The following SLC2A13 variants were observed in gnomAD, a reference collection of about 807,000 sequenced individuals.
SLC2A13 encodes the protein proton myo-inositol cotransporter.
A neutral mutation model predicts 64.4 loss-of-function variants in SLC2A13; 32 were observed. The ratio of observed to expected loss-of-function variants is 0.50; its 90% CI spans 0.37 to 0.67. SLC2A13 has a LOEUF of 0.67. Among genes scored for constraint, SLC2A13 ranks in the 30% least tolerant of loss-of-function variants. SLC2A13 has a pLI of 0.00. For synonymous variants in SLC2A13, 338 were observed against 327.1 expected (o/e 1.03, Z -0.36); for missense variants, 743 against 829.2 (o/e 0.90, Z 1.28).
chr12:39,898,788 A>T (rs7953381), intron 4 of SLC2A13, among the ~76,000 whole-genome samples: 150,801 of 152,258 alleles, frequency 0.99, 74,701 homozygotes, highest in Middle Eastern at 1. Context: ...TTATTCTCTC[A>T]CAGCATGAAC....
intron 5 of SLC2A13, among the ~76,000 whole-genome samples, chr12:39,866,261 A>C (rs2135929882): frequency 6.6e-6 from 1 of 152,332 alleles, no homozygotes; most frequent in African/African-American, 2.4e-5. Flanking sequence ...GTTTTTGTTT[A>C]AGACATAGTA....
intron 7 of SLC2A13, among the ~76,000 whole-genome samples, chr12:39,822,690 ATCT>A (rs1472649250): frequency 6.6e-6 from 1 of 152,216 alleles, no homozygotes; most frequent in African/African-American, 2.4e-5. Flanking sequence ...GTCTTCTTTA[ATCT>A]TCTTTAGTGA....
chr12:39,809,049 A>G (rs1436050604), intron 7 of SLC2A13, among the ~76,000 whole-genome samples: 3 of 152,084 alleles, frequency 2.0e-5, no homozygotes, highest in Non-Finnish European at 4.4e-5. Flanking sequence ...AGCTTTTACT[A>G]TTAGGTCTAT....
intron 4 of SLC2A13, among the ~76,000 whole-genome samples, chr12:39,930,613 C>T (rs1387770651): frequency 6.6e-6 from 1 of 152,070 alleles, no homozygotes; most frequent in Admixed American, 6.6e-5. Context: ...AAGTAATTGC[C>T]TCTGGAAAGC....
intron 7 of SLC2A13, among the ~76,000 whole-genome samples, chr12:39,786,400 G>GA (rs60835552): frequency 2.0e-5 from 3 of 152,158 alleles, no homozygotes; most frequent in African/African-American, 4.8e-5. Context: ...CCCCAGCCAT[G>GA]TGGAACTGTG....
intron 3 of SLC2A13, among the ~76,000 whole-genome samples, chr12:39,970,340 G>C (rs1375795939): frequency 1.3e-5 from 2 of 152,134 alleles, no homozygotes; most frequent in African/African-American, 4.8e-5. Flanking sequence ...TGTGAAGAAA[G>C]TTGCCCTTTC....
chr12:39,794,068 CT>C (rs1330975743), intron 7 of SLC2A13, among the ~76,000 whole-genome samples: 1 of 135,618 alleles, frequency 7.4e-6, no homozygotes, highest in African/African-American at 2.8e-5. Flanking sequence ...CTAAATTACT[CT>C]TTTGAGCTAG....
chr12:39,885,776 T>G (rs1944451054), intron 4 of SLC2A13, among the ~76,000 whole-genome samples: 1 of 152,206 alleles, frequency 6.6e-6, no homozygotes, highest in Admixed American at 6.5e-5. Flanking sequence ...TAGTTTGAAT[T>G]AGAATCATCT....
intron 7 of SLC2A13, among the ~76,000 whole-genome samples, chr12:39,765,173 G>A (rs979022115): frequency 6.6e-6 from 1 of 152,078 alleles, no homozygotes; most frequent in African/African-American, 2.4e-5. Flanking sequence ...GTATGTGGCA[G>A]TGAAAAGACC....
intron 3 of SLC2A13, among the ~76,000 whole-genome samples, chr12:39,994,267 C>T (rs1041086252): frequency 6.6e-6 from 1 of 151,630 alleles, no homozygotes; most frequent in African/African-American, 2.4e-5. Context: ...ACTGTAGTCC[C>T]AGCTACTCGG....
At chr12:39,837,685 T>G (rs1010834792) in intron 6 of SLC2A13, among the ~76,000 whole-genome samples, 9 of 151,868 alleles carry the variant, frequency 5.9e-5, no homozygotes, top group Non-Finnish European at 1.2e-4. Flanking sequence ...GCGAAGGACA[T>G]GAACAGACAC....
intron 3 of SLC2A13, among the ~76,000 whole-genome samples, chr12:40,017,095 G>T (rs1463422946): frequency 6.6e-6 from 1 of 152,146 alleles, no homozygotes; most frequent in African/African-American, 2.4e-5. Context: ...TCTACACACT[G>T]TAAGAGCTCC....
rs537485933 is a variant in SLC2A13, at chr12:40,025,470, C to T, written c.925+2831G>A. On this transcript the variant is annotated intron_variant, in intron 3 of 9. Coordinates refer to ENST00000280871, the MANE Select transcript of SLC2A13 (RefSeq NM_052885.4). ...GGATCACATATGCAAGTGCCATAAC[C>T]GTCACAAGTCACAAATCCACTGGGG... 3.9e-5 allele frequency among the ~76,000 whole-genome samples: 6 copies of T among 152,246 alleles called. No homozygotes were observed. In the East Asian group the frequency reaches 7.7e-4, roughly 20 times the overall value.
intron 4 of SLC2A13, among the ~76,000 whole-genome samples, chr12:39,913,132 A>T (rs1945458184): frequency 6.6e-6 from 1 of 152,022 alleles, no homozygotes. Flanking sequence ...TAAGCAAAAA[A>T]CATATAGAAT....
rs566403442 is a variant in SLC2A13 at position 39,966,560 on chromosome 12, T to C, written c.926-15195A>G. On this transcript the variant is annotated intron_variant, in intron 3 of 9. Coordinates refer to ENST00000280871, the MANE Select transcript of SLC2A13 (RefSeq NM_052885.4). ...CAATAGAAATTAGAAAAAAATAATA[T>C]TGGTATTCCATTAGCACATTCAGCA... is the stretch of plus-strand genomic sequence containing the variant. Among the ~76,000 whole-genome samples the C allele has an allele frequency of 2.0e-5, 3 of 152,192 alleles. No homozygotes were observed. In the South Asian group the frequency reaches 6.2e-4, roughly 32 times the overall value.
At chr12:39,833,425 A>G (rs1395469628) in intron 6 of SLC2A13, among the ~76,000 whole-genome samples, 2 of 151,834 alleles carry the variant, frequency 1.3e-5, no homozygotes. Flanking sequence ...TTCATTCCCC[A>G]CTGATCTCTC....
At position 39,795,657 on chromosome 12, in the gene SLC2A13, T is replaced by C. The variant is rs184765275; in HGVS notation, c.1446-30799A>G. Among the ~76,000 whole-genome samples the C allele has an allele frequency of 7.0e-3, 1,066 of 152,292 alleles. 17 individuals are homozygous for C. The highest frequency in any genetic ancestry group is 0.024 in the African/African-American group (1,003 of 41,564). ...AGAGAAGATTTACATTGGCTGTTGC[T>C]AGACACCTGGAGGTGCTGCAGAGCC... On this transcript the variant is annotated intron_variant, in intron 7 of 9. Coordinates refer to ENST00000280871, the MANE Select transcript of SLC2A13 (RefSeq NM_052885.4).
At chr12:40,077,797 T>C (rs896476414) in intron 1 of SLC2A13, among the ~76,000 whole-genome samples, 2 of 151,682 alleles carry the variant, frequency 1.3e-5, no homozygotes, top group African/African-American at 2.4e-5. Flanking sequence ...GGAATGTTTT[T>C]CCATTTGTTT....
intron 3 of SLC2A13, among the ~76,000 whole-genome samples, chr12:39,958,058 C>G (rs1946347309): frequency 6.6e-6 from 1 of 152,184 alleles, no homozygotes; most frequent in African/African-American, 2.4e-5. Context: ...CATTTCTCAC[C>G]CCAAACTTGT....
Sources: gnomAD v4.1 joint callset for allele counts (sites outside exome capture counted in the v4.1 genomes callset) on GRCh38, gnomAD v4.1.1 for gene constraint, MANE v1.5 for transcripts, NCBI Gene and HGNC (gene_info 2026-07-23, HGNC 2026-07-21) for gene names.